Variants in FOCAD observed in about 807,000 individuals in gnomAD.
FOCAD encodes focadhesin, also known as KIAA1797.
In FOCAD, 198 loss-of-function variants were observed where a neutral mutation model predicts 225.6. That is an observed-to-expected ratio of 0.88 (90% confidence interval 0.78 to 0.99). FOCAD has a LOEUF of 0.99. Among genes scored for constraint, FOCAD ranks in the 50% least tolerant of loss-of-function variants. The pLI, the probability that FOCAD is intolerant of heterozygous loss-of-function variation, is 0.00. For synonymous variants in FOCAD, 897 were observed against 755.0 expected, an observed-to-expected ratio of 1.19 and a Z score of -3.08; for missense variants, 2,713 against 2,123.6, an observed-to-expected ratio of 1.28 and a Z score of -5.46.
In FOCAD at chr9:20,774,812, C is replaced by G. The variant is rs184685843; in HGVS notation, c.907-3869C>G. ...GTGAGGGAAGGTCCTATTTATGTCT[C>G]TCATTTGCCCAATGTTTTAGCAGTT... On this transcript the variant is annotated intron_variant, in intron 8 of 43. Coordinates refer to ENST00000338382, the MANE Select transcript of FOCAD (RefSeq NM_001375567.1). Among the ~76,000 whole-genome samples the G allele has an allele frequency of 5.3e-5, 8 of 152,244 alleles. No individual in the cohort carries two copies. In the East Asian group the frequency reaches 5.8e-4, roughly 11 times the overall value.
intron 6 of FOCAD, among the ~76,000 whole-genome samples, chr9:20,760,371 A>T (rs1015706527): frequency 6.6e-6 from 1 of 152,232 alleles, no homozygotes; most frequent in East Asian, 1.9e-4. Context: ...TATAGGATAA[A>T]ATCTAATATG....
In FOCAD at chr9:20,946,830, T is replaced by C. The variant is rs1837232439; in HGVS notation, c.3675+10T>C. On this transcript the variant is annotated intron_variant, in intron 30 of 43. Coordinates refer to ENST00000338382, the MANE Select transcript of FOCAD (RefSeq NM_001375567.1). ...GGAGAATAGCCAGCAGGTTGGAACG[T>C]GTGCCCTGATTATTTCTCTCTGTGG... 4 of 1,612,926 alleles carry C rather than the reference T, an allele frequency of 2.5e-6. No homozygotes were observed. Among genetic ancestry groups the C allele is most frequent in the Non-Finnish European group, 3.4e-6 (4 of 1,179,276 alleles).
At chr9:20,923,623 C>T (rs779336495) in intron 24 of FOCAD, 37 bp from the exon 25 acceptor site, 4 of 1,550,414 alleles carry the variant, frequency 2.6e-6, no homozygotes, top group South Asian at 2.3e-5. Context: ...TGGTTAATAC[C>T]AAAGTTCTCT....
chr9:20,947,860 T>C (rs1837327878), intron 30 of FOCAD, among the ~76,000 whole-genome samples: 1 of 152,144 alleles, frequency 6.6e-6, no homozygotes, highest in Admixed American at 6.5e-5. Flanking sequence ...TCAGAGTAAG[T>C]TGTGAAAAAT....
rs374572574 is a variant in FOCAD at position 20,982,354 on chromosome 9, C to T, written c.4639-3C>T. On this transcript the variant is annotated splice_polypyrimidine_tract_variant and splice_region_variant and intron_variant, in intron 38 of 43. Transcript: ENST00000338382. ...TGACATGTTTGGGATTTTTCTTTAT[C>T]AGAGAAAGGATCTAGAGCTGTATAT... 27 of 1,603,356 alleles carry T rather than the reference C, an allele frequency of 1.7e-5. No individual in the cohort carries two copies. The East Asian group carries it at 4.5e-4, about 27-fold the overall frequency.
At chr9:20,986,786 C>G (rs538088996) in intron 40 of FOCAD, among the ~76,000 whole-genome samples, 2 of 152,238 alleles carry the variant, frequency 1.3e-5, no homozygotes, top group African/African-American at 4.8e-5. Context: ...TCAATTGATT[C>G]TGCCTGATGA....
Position 20,758,127 on chromosome 9 carries a change from A to C in FOCAD, c.430A>C (p.Arg144=). ...TCCTTTGATAACTGTGCTTGAACAC[A>C]GACCTGATTGCTGGCCAGTGTTTTT... ...PHPLITVLEH[R]PDCWPVFLQQ... is the part of the protein sequence containing the mutation. The change falls in exon 6 of 44, where the codon AGA becomes CGA. Residue 144 remains arginine (R), a synonymous_variant. Transcript: ENST00000338382. The C allele has an allele frequency of 1.2e-6, 2 of 1,612,506 alleles. No individual in the cohort carries two copies. The highest frequency in any genetic ancestry group is 1.7e-6 in the Non-Finnish European group (2 of 1,179,300).
At chr9:20,907,043 C>T in intron 21 of FOCAD, 107 bp from the exon 22 acceptor site, 1 of 815,468 alleles carries the variant, frequency 1.2e-6, no homozygotes, top group Non-Finnish European at 1.9e-6. Flanking sequence ...GGTTTGTTTT[C>T]AGAATCTAAA....
intron 15 of FOCAD, among the ~76,000 whole-genome samples, chr9:20,844,984 G>T (rs1287025983): frequency 6.6e-6 from 1 of 151,554 alleles, no homozygotes; most frequent in African/African-American, 2.4e-5. Flanking sequence ...ATTTCTGTGA[G>T]CTACTTTGGG....
intron 14 of FOCAD, 71 bp downstream of exon 14, chr9:20,821,142 G>A: frequency 2.1e-6 from 3 of 1,430,430 alleles, no homozygotes; most frequent in Middle Eastern, 1.9e-4. Flanking sequence ...TTAATTGCAA[G>A]CAAGAGGCAA....
At chr9:20,944,438 G>C (rs1319905018) in intron 28 of FOCAD, among the ~76,000 whole-genome samples, 189 bp from the exon 29 acceptor site, 1 of 152,090 alleles carries the variant, frequency 6.6e-6, no homozygotes, top group Admixed American at 6.6e-5. Context: ...TTTGATGTCA[G>C]GTTTTCATTT....
At chr9:20,876,902 C>T (rs932046762) in intron 19 of FOCAD, among the ~76,000 whole-genome samples, 4 of 152,124 alleles carry the variant, frequency 2.6e-5, no homozygotes, top group African/African-American at 7.2e-5. Flanking sequence ...ACAAAAGCAG[C>T]TGTAAAGTGA....
chr9:20,899,878 C>T (rs951797456), intron 21 of FOCAD, among the ~76,000 whole-genome samples: 1 of 151,834 alleles, frequency 6.6e-6, no homozygotes, highest in Admixed American at 6.6e-5. Context: ...TTTGGCCTGA[C>T]ATACCAGGAG....
chr9:20,956,176 T>C (rs1379316190), intron 35 of FOCAD, among the ~76,000 whole-genome samples: 2 of 152,202 alleles, frequency 1.3e-5, no homozygotes, highest in African/African-American at 4.8e-5. Flanking sequence ...TTTTGAACTA[T>C]TACCATGAGA....
intron 35 of FOCAD, among the ~76,000 whole-genome samples, chr9:20,964,392 T>G (rs1839058150): frequency 6.6e-6 from 1 of 152,010 alleles, no homozygotes; most frequent in Non-Finnish European, 1.5e-5. Flanking sequence ...AGACTCTGTC[T>G]CAGAAAAGAA....
intron 2 of FOCAD, among the ~76,000 whole-genome samples, chr9:20,667,829 A>C (rs1469916319): frequency 6.6e-6 from 1 of 152,028 alleles, no homozygotes; most frequent in African/African-American, 2.4e-5. Context: ...ACCAGATATG[A>C]AAAAAAACCT....
At chr9:20,678,560 A>G (rs968380393) in intron 2 of FOCAD, among the ~76,000 whole-genome samples, 1 of 152,192 alleles carries the variant, frequency 6.6e-6, no homozygotes, top group Non-Finnish European at 1.5e-5. Context: ...TAAGTGTGTC[A>G]GATATTCTCT....
chr9:20,983,044 G>C (rs1208779620), intron 39 of FOCAD, among the ~76,000 whole-genome samples: 6 of 152,156 alleles, frequency 3.9e-5, no homozygotes, highest in Non-Finnish European at 8.8e-5. Context: ...CTTTATGGCA[G>C]GTTTGCCTAT....
chr9:20,696,501 T>C (rs1320136357), intron 1 of FOCAD, among the ~76,000 whole-genome samples: 1 of 152,220 alleles, frequency 6.6e-6, no homozygotes, highest in African/African-American at 2.4e-5. Flanking sequence ...TCAAAATTCA[T>C]GTTTAAATTT....
Sources: allele counts gnomAD v4.1 joint callset (sites outside exome capture counted in the v4.1 genomes callset), GRCh38; gene constraint gnomAD v4.1.1; transcripts MANE v1.5; gene names NCBI Gene and HGNC (gene_info 2026-07-23, HGNC 2026-07-21).